The following ATP6V1C2 variants were observed in gnomAD, a reference collection of about 807,000 sequenced individuals.
ATP6V1C2 encodes ATPase H+ transporting V1 subunit C2.
In ATP6V1C2, 45 loss-of-function variants were observed where a neutral mutation model predicts 56.8. The observed-to-expected ratio is 0.79, with a 90% CI of 0.62 to 1.02. ATP6V1C2 has a LOEUF of 1.02. Ranked by LOEUF, ATP6V1C2 falls within the 50% of genes least tolerant of loss-of-function variation. The probability of loss-of-function intolerance (pLI) is 0.00; values close to 1 mark genes in which losing one functional copy is unlikely to be tolerated. For synonymous variants in ATP6V1C2, 220 were observed against 201.3 expected (o/e 1.09, Z -0.79); for missense variants, 463 against 519.7 (o/e 0.89, Z 1.06).
At chr2:10,741,114 A>G (rs1662528692) in intron 3 of ATP6V1C2, among the ~76,000 whole-genome samples, 1 of 152,210 alleles carries the variant, frequency 6.6e-6, no homozygotes, top group Non-Finnish European at 1.5e-5. Flanking sequence ...GTGGCTCTAC[A>G]CAACTGTATG....
At chr2:10,757,319 G>A in intron 4 of ATP6V1C2, 1 of 395,074 alleles carries the variant, frequency 2.5e-6, no homozygotes, top group Non-Finnish European at 4.5e-6. Flanking sequence ...GGCCAGAGGA[G>A]ACTTTATTTG....
At chr2:10,756,959 TATAAC>T (rs1292210255) in intron 4 of ATP6V1C2, among the ~76,000 whole-genome samples, 1 of 148,844 alleles carries the variant, frequency 6.7e-6, no homozygotes, top group Non-Finnish European at 1.5e-5. Context: ...TTGTTATAAA[TATAAC>T]ATATATTTAT....
At chr2:10,747,192 C>T (rs372675758) in intron 3 of ATP6V1C2, among the ~76,000 whole-genome samples, 1 of 151,562 alleles carries the variant, frequency 6.6e-6, no homozygotes, top group Non-Finnish European at 1.5e-5. Context: ...TGCTTGAACC[C>T]GGGAGGTGGA....
Position 10,784,308 on chromosome 2 carries a change from T to C in ATP6V1C2, c.*1045T>C, listed in dbSNP as rs1665587673. 8 of 1,613,364 alleles carry C rather than the reference T, an allele frequency of 5.0e-6. No homozygotes were observed. The highest frequency in any genetic ancestry group is 6.8e-6 in the Non-Finnish European group (8 of 1,179,836). On this transcript the variant is annotated 3_prime_UTR_variant, in exon 14 of 14. Coordinates refer to ENST00000272238, the MANE Select transcript of ATP6V1C2 (RefSeq NM_001039362.2). ...TCAAGCTCCACATCACTGAGGTCAA[T>C]GTCATCCTCCACGGGAAGCTGGGAG...
rs1196741898 is a variant in ATP6V1C2 at position 10,763,206 on chromosome 2, C to T, written c.284-1125C>T. Among the ~76,000 whole-genome samples, 3 of 152,166 alleles carry T rather than the reference C, an allele frequency of 2.0e-5. No individual in the cohort carries two copies. Among genetic ancestry groups the T allele is most frequent in the East Asian group, 1.9e-4 (1 of 5,178 alleles). On this transcript the variant is annotated intron_variant, in intron 4 of 13. Transcript: ENST00000272238. The surrounding 1 kb of genome is among the most constrained non-coding windows in gnomAD (Gnocchi z 4.2). ...GACTCACAGTGCCCCGAGTACGTAG[C>T]GCTGCCAGCCCTCCTCACCTGACAC...
At chr2:10,774,660 C>T (rs1664840481) in intron 8 of ATP6V1C2, 128 bp from the exon 9 acceptor site, 1 of 774,546 alleles carries the variant, frequency 1.3e-6, no homozygotes, top group Non-Finnish European at 2.2e-6. Flanking sequence ...AGGGAGTGTC[C>T]TTGGTTCCCC....
At chr2:10,758,277 A>G (rs1663669872) in intron 4 of ATP6V1C2, among the ~76,000 whole-genome samples, 1 of 152,204 alleles carries the variant, frequency 6.6e-6, no homozygotes, top group Non-Finnish European at 1.5e-5. Flanking sequence ...CGCAAAATTA[A>G]TGTAACCTTA....
chr2:10,749,298 C>T (rs1040167937), intron 3 of ATP6V1C2, among the ~76,000 whole-genome samples: 36 of 151,874 alleles, frequency 2.4e-4, no homozygotes, highest in Admixed American at 1.9e-3. Flanking sequence ...AGTTCAAGAC[C>T]GGTCTGGGCA....
chr2:10,779,700 AAAAAAAACTTC>A (rs1472129622), intron 12 of ATP6V1C2, among the ~76,000 whole-genome samples: 1 of 150,324 alleles, frequency 6.7e-6, no homozygotes, highest in East Asian at 2.0e-4. Context: ...AAAAAAAAAA[AAAAAAAACTTC>A]ACTGTGGGAA....
intron 3 of ATP6V1C2, among the ~76,000 whole-genome samples, chr2:10,752,245 T>C (rs1663262042): frequency 6.6e-6 from 1 of 152,212 alleles, no homozygotes; most frequent in South Asian, 2.1e-4. Flanking sequence ...CACATGACTC[T>C]GGGAGTCAGG....
At chr2:10,734,806 C>T (rs538354004) in intron 3 of ATP6V1C2, among the ~76,000 whole-genome samples, 1 of 152,290 alleles carries the variant, frequency 6.6e-6, no homozygotes, top group South Asian at 2.1e-4. Flanking sequence ...CCACCCTCCT[C>T]CCCGATTGTA....
intron 6 of ATP6V1C2, among the ~76,000 whole-genome samples, chr2:10,769,763 G>GA (rs1664467011): frequency 1.3e-5 from 2 of 152,132 alleles, no homozygotes; most frequent in South Asian, 4.1e-4. Context: ...TCCTGCTGGA[G>GA]AGGCTGCTCC....
intron 10 of ATP6V1C2, 36 bp downstream of exon 10, chr2:10,775,107 C>T (rs1408760652): frequency 1.3e-6 from 2 of 1,519,632 alleles, no homozygotes; most frequent in African/African-American, 1.4e-5. Context: ...CCCGCCCCTA[C>T]CCGGAGGCCT....
chr2:10,782,860 A>T (rs1337953499), intron 13 of ATP6V1C2, among the ~76,000 whole-genome samples: 1 of 144,620 alleles, frequency 6.9e-6, no homozygotes. Context: ...AAAAAAAAAA[A>T]AAATTTGCCA....
intron 3 of ATP6V1C2, among the ~76,000 whole-genome samples, chr2:10,743,130 T>A (rs1662659748): frequency 6.6e-6 from 1 of 152,156 alleles, no homozygotes; most frequent in African/African-American, 2.4e-5. Context: ...GACTTTTTGT[T>A]TTTTGAAACA....
chr2:10,723,864 AC>A (rs1661493728), intron 2 of ATP6V1C2, among the ~76,000 whole-genome samples: 6 of 130,466 alleles, frequency 4.6e-5, no homozygotes, highest in Admixed American at 1.7e-4. Context: ...AAAGAATGAG[AC>A]ATGTGCAATT....
chr2:10,744,308 A>T (rs1257410146), intron 3 of ATP6V1C2: 1 of 152,220 alleles, frequency 6.6e-6, no homozygotes, highest in Non-Finnish European at 1.5e-5. Flanking sequence ...GTACCAATCA[A>T]CACCTCATCT....
At chr2:10,730,841 C>T (rs558256172) in intron 3 of ATP6V1C2, among the ~76,000 whole-genome samples, 8 of 151,778 alleles carry the variant, frequency 5.3e-5, no homozygotes, top group East Asian at 1.9e-4. Context: ...TTAGTAGAGA[C>T]GGGATTTCTC....
At chr2:10,744,747 C>T (rs545015856) in intron 3 of ATP6V1C2, among the ~76,000 whole-genome samples, 34 of 147,486 alleles carry the variant, frequency 2.3e-4, no homozygotes, top group Non-Finnish European at 4.0e-4. Context: ...CGGCTCACTG[C>T]AACCTCTGCC....
Sources: allele counts gnomAD v4.1 joint callset (sites outside exome capture counted in the v4.1 genomes callset), GRCh38; gene constraint gnomAD v4.1.1; non-coding constraint Gnocchi (gnomAD v3.1); transcripts MANE v1.5; gene names NCBI Gene and HGNC (gene_info 2026-07-23, HGNC 2026-07-21).